EEPD1: variants seen among roughly 807,000 people sequenced by gnomAD.
EEPD1 encodes the protein endonuclease/exonuclease/phosphatase family domain containing 1, also known as endonuclease/exonuclease/phosphatase family domain-containing protein 1.
In EEPD1, 17 loss-of-function variants were observed where a neutral mutation model predicts 46.3. The ratio of observed to expected loss-of-function variants is 0.37; its 90% CI spans 0.25 to 0.55. The LOEUF (loss-of-function observed/expected upper bound fraction) is 0.55. Among genes scored for constraint, EEPD1 ranks in the 20% least tolerant of loss-of-function variants. The pLI, the probability that EEPD1 is intolerant of heterozygous loss-of-function variation, is 0.83. For missense variants in EEPD1, 673 were observed against 745.6 expected (o/e 0.90, Z 1.13); for synonymous variants, 313 against 315.6 (o/e 0.99, Z 0.09).
At chr7:36,208,534 G>C (rs1234027502) in intron 2 of EEPD1, among the ~76,000 whole-genome samples, 1 of 152,218 alleles carries the variant, frequency 6.6e-6, no homozygotes, top group Admixed American at 6.5e-5. Context: ...TTGGGCATTG[G>C]GGGTGTGCTG....
intron 2 of EEPD1, among the ~76,000 whole-genome samples, chr7:36,226,038 T>C (rs1018025349): frequency 5.3e-5 from 8 of 152,226 alleles, no homozygotes; most frequent in African/African-American, 1.4e-4. Flanking sequence ...ATTATTGTTA[T>C]AAGTCTGATT....
intron 2 of EEPD1, among the ~76,000 whole-genome samples, chr7:36,213,255 A>G (rs1371478909): frequency 6.6e-6 from 1 of 152,194 alleles, no homozygotes; most frequent in African/African-American, 2.4e-5. Context: ...AGTGGATGGA[A>G]TTAACTGGCA....
At chr7:36,260,994 A>C (rs1786913289) in intron 3 of EEPD1, among the ~76,000 whole-genome samples, 1 of 152,238 alleles carries the variant, frequency 6.6e-6, no homozygotes, top group African/African-American at 2.4e-5. Context: ...ATAAACAAAT[A>C]CTGTACCATT....
In EEPD1 at chr7:36,292,421, CTTTTTCTT is replaced by C. The variant is rs1395488325; in HGVS notation, c.1316-4570_1316-4563del. ...TTCTTTCTTTTCTTTCTTTTTCTCT[CTTTTTCTT>C]TCTCTCTCTCTGTCTCTCCCTCCCT... is the stretch of plus-strand genomic sequence containing the variant. On this transcript the variant is annotated intron_variant, in intron 6 of 7. Coordinates refer to ENST00000242108, the MANE Select transcript of EEPD1 (RefSeq NM_030636.3). Among the ~76,000 whole-genome samples the C allele has an allele frequency of 1.5e-4, 22 of 148,736 alleles. No individual in the cohort carries two copies. In the South Asian group the frequency reaches 3.6e-3, roughly 25 times the overall value.
Position 36,154,644 on chromosome 7 carries a change from C to T in EEPD1, c.320C>T (p.Ala107Val), listed in dbSNP as rs757985715. Residue 107 changes from alanine (A) to valine (V), a missense_variant, in exon 2 of 8, where the codon GCG (alanine) becomes GTG (valine). Ala to Val is a moderately conservative substitution (Grantham distance 64). Transcript: ENST00000242108. The surrounding 1 kb of genome is among the most constrained non-coding windows in gnomAD (Gnocchi z 4.2). ...EICVSSKGSS[A>V]QHSPSSLRRD... ...TGTGTGAGCAGCAAGGGCAGCTCAG[C>T]GCAGCACTCTCCCAGTTCCCTGCGG... 6.2e-7 allele frequency: 1 copy of T among 1,613,774 alleles called. No individual in the cohort carries two copies. Among genetic ancestry groups the T allele is most frequent in the African/African-American group, 1.3e-5 (1 of 74,912 alleles).
chr7:36,241,076 G>A (rs1786547476), intron 3 of EEPD1, among the ~76,000 whole-genome samples: 1 of 152,178 alleles, frequency 6.6e-6, no homozygotes, highest in Non-Finnish European at 1.5e-5. Flanking sequence ...GTGTAAAGGG[G>A]TATGTGAGTT....
At chr7:36,183,460 A>G (rs983321641) in intron 2 of EEPD1, among the ~76,000 whole-genome samples, 4 of 152,076 alleles carry the variant, frequency 2.6e-5, no homozygotes, top group Non-Finnish European at 4.4e-5. Context: ...GAAACCCCAA[A>G]GCTGCTGCTA....
At chr7:36,298,435 T>C (rs1167536890) in intron 7 of EEPD1, among the ~76,000 whole-genome samples, 1 of 152,220 alleles carries the variant, frequency 6.6e-6, no homozygotes, top group African/African-American at 2.4e-5. Flanking sequence ...ACACAGTGCT[T>C]TCTAGCTATT....
chr7:36,253,084 G>C (rs1355382698), intron 3 of EEPD1, among the ~76,000 whole-genome samples: 1 of 151,052 alleles, frequency 6.6e-6, no homozygotes, highest in African/African-American at 2.4e-5. Context: ...CTTTACATCA[G>C]TAAAGAAGAT....
At chr7:36,203,746 T>C (rs567445254) in intron 2 of EEPD1, among the ~76,000 whole-genome samples, 1 of 152,318 alleles carries the variant, frequency 6.6e-6, no homozygotes, top group South Asian at 2.1e-4. Context: ...TTAGAAAAAG[T>C]GTCATAAAGA....
intron 2 of EEPD1, among the ~76,000 whole-genome samples, chr7:36,158,119 A>G (rs1784852491): frequency 6.6e-6 from 1 of 152,136 alleles, no homozygotes; most frequent in African/African-American, 2.4e-5. Context: ...ACTTTTATTA[A>G]TGATTCTTCA....
At chr7:36,254,830 T>C (rs1021045862) in intron 3 of EEPD1, among the ~76,000 whole-genome samples, 15 of 152,360 alleles carry the variant, frequency 9.8e-5, no homozygotes, top group African/African-American at 3.6e-4. Context: ...ATCGCCATTC[T>C]AACTGGCGTG....
chr7:36,179,657 C>T (rs1417147576), intron 2 of EEPD1, among the ~76,000 whole-genome samples: 5 of 131,972 alleles, frequency 3.8e-5, no homozygotes, highest in African/African-American at 1.5e-4. Flanking sequence ...GCCAGGAGTT[C>T]GAGACCAGCC....
chr7:36,237,779 T>C (rs946359936), intron 2 of EEPD1, among the ~76,000 whole-genome samples: 1 of 152,032 alleles, frequency 6.6e-6, no homozygotes, highest in Admixed American at 6.5e-5. Context: ...GGTGAAACCC[T>C]GTCTGTACTA....
intron 2 of EEPD1, among the ~76,000 whole-genome samples, chr7:36,186,458 A>G (rs765217814): frequency 2.6e-5 from 4 of 152,214 alleles, no homozygotes; most frequent in African/African-American, 4.8e-5. Context: ...TCTGGCCCCA[A>G]CTTCACACCT....
chr7:36,239,657 T>C (rs1786520247), intron 3 of EEPD1, among the ~76,000 whole-genome samples: 1 of 152,166 alleles, frequency 6.6e-6, no homozygotes, highest in South Asian at 2.1e-4. Context: ...GTGTCTCGGC[T>C]TTCTATGTTC....
chr7:36,214,693 G>T (rs1279136822), intron 2 of EEPD1, among the ~76,000 whole-genome samples: 1 of 152,326 alleles, frequency 6.6e-6, no homozygotes, highest in African/African-American at 2.4e-5. Context: ...ACTAAACATG[G>T]AGAACCTTTA....
intron 2 of EEPD1, among the ~76,000 whole-genome samples, chr7:36,226,507 G>C (rs1209609717): frequency 1.3e-5 from 2 of 152,108 alleles, no homozygotes; most frequent in Non-Finnish European, 1.5e-5. Flanking sequence ...AACTTAAAGT[G>C]AACACTGATA....
chr7:36,279,532 C>T (rs967506766), intron 3 of EEPD1, among the ~76,000 whole-genome samples: 2 of 152,196 alleles, frequency 1.3e-5, no homozygotes, highest in African/African-American at 2.4e-5. Context: ...AGACCCTGGC[C>T]TCTCCCAACC....
Sources: gnomAD v4.1 joint callset for allele counts (sites outside exome capture counted in the v4.1 genomes callset) on GRCh38, gnomAD v4.1.1 for gene constraint, Gnocchi (gnomAD v3.1) non-coding constraint, MANE v1.5 for transcripts, NCBI Gene and HGNC (gene_info 2026-07-23, HGNC 2026-07-21) for gene names.